RGS7: variants seen among roughly 807,000 people sequenced by gnomAD.
The protein encoded by RGS7 is regulator of G protein signaling 7, also known as regulator of G-protein signaling 7.
RGS7 carries 27 observed loss-of-function variants against 81.1 expected under a neutral mutation model. The observed-to-expected ratio is 0.33, with a 90% CI of 0.25 to 0.46. The LOEUF (loss-of-function observed/expected upper bound fraction) is 0.46, where lower values mean the gene tolerates loss of function less well. Ranked by LOEUF, RGS7 falls within the 20% of genes least tolerant of loss-of-function variation. The pLI is 1.00. For synonymous variants in RGS7, 208 were observed against 207.7 expected (o/e 1.00, Z -0.01); for missense variants, 396 against 607.4 (o/e 0.65, Z 3.66).
At chr1:240,896,441 A>G (rs1475809936) in intron 6 of RGS7, among the ~76,000 whole-genome samples, 1 of 152,202 alleles carries the variant, frequency 6.6e-6, no homozygotes, top group Non-Finnish European at 1.5e-5. Flanking sequence ...TCTTTAATCC[A>G]TCTTGAAATA....
intron 2 of RGS7, among the ~76,000 whole-genome samples, chr1:241,294,289 G>A (rs550408119): frequency 9.2e-5 from 14 of 151,836 alleles, no homozygotes; most frequent in East Asian, 1.9e-4. Flanking sequence ...GGGACCTGTC[G>A]GGGGTGGGGG....
chr1:240,907,828 A>G (rs1244063368), intron 6 of RGS7, among the ~76,000 whole-genome samples: 1 of 152,182 alleles, frequency 6.6e-6, no homozygotes, highest in Non-Finnish European at 1.5e-5. Context: ...AACCAAGTGA[A>G]ACATGGCGTC....
In RGS7 at chr1:241,028,181, T is replaced by C. The variant is rs951559916; in HGVS notation, c.176-45052A>G. Among the ~76,000 whole-genome samples the C allele has an allele frequency of 3.9e-5, 6 of 152,178 alleles. No individual in the cohort carries two copies. In the South Asian group the frequency reaches 1.0e-3, roughly 26 times the overall value. ...CCTCCCTTTCAACGTTTGGATGTTG[T>C]AGTTACATAAATTCCTGGCCACATA... is the stretch of plus-strand genomic sequence containing the variant. On this transcript the variant is annotated intron_variant, in intron 3 of 18. Coordinates refer to ENST00000440928, the MANE Select transcript of RGS7 (RefSeq NM_001364886.1).
chr1:241,042,604 C>G (rs963228989), intron 3 of RGS7, among the ~76,000 whole-genome samples: 1 of 152,056 alleles, frequency 6.6e-6, no homozygotes, highest in African/African-American at 2.4e-5. Flanking sequence ...TTTCTCTCAT[C>G]TTCATTTTAT....
In RGS7 at chr1:241,115,852, C is replaced by T. The variant is rs2102974213; in HGVS notation, c.79-17090G>A. 2.6e-5 allele frequency among the ~76,000 whole-genome samples: 4 copies of T among 152,244 alleles called. 1 individual carries two copies. The Middle Eastern group carries it at 0.014, about 518-fold the overall frequency. ...TATGGTTTAGATTTGTGTCCCCACT[C>T]AAATCTCATGTCGAACTGGAGGAGG... On this transcript the variant is annotated intron_variant, in intron 2 of 18. Coordinates refer to ENST00000440928, the MANE Select transcript of RGS7 (RefSeq NM_001364886.1).
intron 9 of RGS7, among the ~76,000 whole-genome samples, chr1:240,847,605 T>C (rs1047331523): frequency 1.3e-5 from 2 of 152,222 alleles, no homozygotes; most frequent in African/African-American, 4.8e-5. Context: ...ATTTAGCTCT[T>C]GACACAATGT....
intron 2 of RGS7, among the ~76,000 whole-genome samples, chr1:241,320,966 T>C (rs915172753): frequency 1.3e-5 from 2 of 152,198 alleles, no homozygotes; most frequent in Non-Finnish European, 2.9e-5. Context: ...TGTTATGTGA[T>C]TAGAATGGGC....
At chr1:241,210,542 T>G (rs931418997) in intron 2 of RGS7, among the ~76,000 whole-genome samples, 1 of 152,164 alleles carries the variant, frequency 6.6e-6, no homozygotes, top group Non-Finnish European at 1.5e-5. Context: ...ACATGAGAGT[T>G]TGAGTGAGGA....
chr1:240,822,682 C>T (rs1011085796), intron 10 of RGS7, among the ~76,000 whole-genome samples: 2 of 152,160 alleles, frequency 1.3e-5, no homozygotes, highest in African/African-American at 4.8e-5. Context: ...CTTACCCATA[C>T]TTATATACAT....
chr1:241,266,962 G>A (rs955679869), intron 2 of RGS7, among the ~76,000 whole-genome samples: 5 of 152,158 alleles, frequency 3.3e-5, no homozygotes, highest in Admixed American at 2.0e-4. Flanking sequence ...TGTATGTACC[G>A]TGATTAAGCA....
intron 2 of RGS7, among the ~76,000 whole-genome samples, chr1:241,153,950 T>C (rs1166375233): frequency 2.0e-5 from 3 of 152,180 alleles, no homozygotes; most frequent in Non-Finnish European, 4.4e-5. Context: ...CTGTCTATTT[T>C]TTGAGTTCTG....
chr1:241,057,071 G>A (rs1042874953), intron 3 of RGS7, among the ~76,000 whole-genome samples: 2 of 151,192 alleles, frequency 1.3e-5, no homozygotes, highest in African/African-American at 4.9e-5. Context: ...TTTTTCTGGG[G>A]TTACTGATTT....
intron 2 of RGS7, among the ~76,000 whole-genome samples, chr1:241,190,070 T>C (rs1320644156): frequency 6.6e-6 from 1 of 151,852 alleles, no homozygotes; most frequent in Non-Finnish European, 1.5e-5. Context: ...GCCACTGCAC[T>C]CCAGCCTGGG....
chr1:240,779,559 C>T (rs1348197538), intron 18 of RGS7, among the ~76,000 whole-genome samples: 3 of 152,114 alleles, frequency 2.0e-5, no homozygotes, highest in East Asian at 1.9e-4. Context: ...GGGCCCTCAT[C>T]GGACACTGAA....
chr1:241,321,044 TA>T (rs2081179056), intron 2 of RGS7, among the ~76,000 whole-genome samples: 1 of 152,224 alleles, frequency 6.6e-6, no homozygotes, highest in Non-Finnish European at 1.5e-5. Flanking sequence ...ACACACTGAC[TA>T]TCACTCACTA....
At chr1:241,102,866 T>G (rs1267122107) in intron 2 of RGS7, among the ~76,000 whole-genome samples, 2 of 152,112 alleles carry the variant, frequency 1.3e-5, no homozygotes, top group African/African-American at 4.8e-5. Flanking sequence ...AAAAAACACA[T>G]GCATCTTATC....
intron 9 of RGS7, among the ~76,000 whole-genome samples, chr1:240,865,945 T>C (rs1278961518): frequency 6.6e-6 from 1 of 152,184 alleles, no homozygotes; most frequent in East Asian, 1.9e-4. Flanking sequence ...TCTTTGTCTA[T>C]TAACTCACAG....
chr1:240,917,247 A>T (rs1384464909), intron 6 of RGS7, among the ~76,000 whole-genome samples: 1 of 152,204 alleles, frequency 6.6e-6, no homozygotes, highest in Non-Finnish European at 1.5e-5. Context: ...CCTTGAAAAG[A>T]ATGTTTAAAA....
At chr1:240,981,509 T>C (rs559825784) in intron 4 of RGS7, among the ~76,000 whole-genome samples, 123 of 152,310 alleles carry the variant, frequency 8.1e-4, no homozygotes, top group Non-Finnish European at 9.6e-4. Context: ...GCCATGACTG[T>C]GTCAATCTAT....
Sources: allele counts gnomAD v4.1 joint callset (sites outside exome capture counted in the v4.1 genomes callset), GRCh38; gene constraint gnomAD v4.1.1; transcripts MANE v1.5; gene names NCBI Gene and HGNC (gene_info 2026-07-23, HGNC 2026-07-21).